The following SMYD3 variants were observed in gnomAD, a reference collection of about 807,000 sequenced individuals.
SMYD3 encodes the protein histone-lysine N-methyltransferase SMYD3.
SMYD3 carries 36 observed loss-of-function variants against 57.7 expected under a neutral mutation model. That is an observed-to-expected ratio of 0.62 (90% CI 0.48 to 0.82). The LOEUF is 0.82. Among genes scored for constraint, SMYD3 ranks in the 40% least tolerant of loss-of-function variants. The pLI, the probability that SMYD3 is intolerant of heterozygous loss-of-function variation, is 0.00. For missense variants in SMYD3, 515 were observed against 538.8 expected (o/e 0.96, Z 0.44); for synonymous variants, 211 against 195.0 (o/e 1.08, Z -0.68).
chr1:246,344,080 GC>G (rs2065672812), intron 2 of SMYD3, among the ~76,000 whole-genome samples: 1 of 152,012 alleles, frequency 6.6e-6, no homozygotes, highest in African/African-American at 2.4e-5. Context: ...ATGGGGTCTT[GC>G]TATATTGTCC....
chr1:246,422,434 TA>T (rs1226088865), intron 1 of SMYD3, among the ~76,000 whole-genome samples: 19 of 151,970 alleles, frequency 1.3e-4, no homozygotes, highest in Non-Finnish European at 1.5e-5. Context: ...TTTTTTAATT[TA>T]TTTTTTTGAG....
intron 5 of SMYD3, among the ~76,000 whole-genome samples, chr1:246,187,593 A>G (rs2062662850): frequency 6.6e-6 from 1 of 152,378 alleles, no homozygotes. Context: ...AGCACATCTT[A>G]AAACTACAAG....
intron 9 of SMYD3, among the ~76,000 whole-genome samples, chr1:245,859,677 T>A (rs1338204776): frequency 6.6e-6 from 1 of 152,206 alleles, no homozygotes; most frequent in Non-Finnish European, 1.5e-5. Context: ...GGTGCAGGAC[T>A]GGGACTGGTC....
chr1:246,005,419 A>C lies in SMYD3; in HGVS notation c.532-75482T>G, dbSNP rs370814212. On this transcript the variant is annotated intron_variant, in intron 5 of 11. Transcript: ENST00000490107. ...ATTTGATTTTCAATCCTGGTTTCTC[A>C]ATTAACTAGCTCTCTGACCTTGGGC... Among the ~76,000 whole-genome samples the C allele has an allele frequency of 4.6e-5, 7 of 152,316 alleles. No individual in the cohort carries two copies. In the South Asian group the frequency reaches 1.4e-3, roughly 32 times the overall value.
chr1:245,844,375 T>G (rs997702171), intron 10 of SMYD3, among the ~76,000 whole-genome samples: 4 of 152,188 alleles, frequency 2.6e-5, no homozygotes, highest in African/African-American at 9.6e-5. Context: ...TTAGCTTTAC[T>G]GCACTGCACT....
At chr1:246,502,412 A>C (rs763383816) in intron 1 of SMYD3, among the ~76,000 whole-genome samples, 1 of 152,148 alleles carries the variant, frequency 6.6e-6, no homozygotes, top group Non-Finnish European at 1.5e-5. Flanking sequence ...GACTACAGGC[A>C]TGAGCCACCA....
At chr1:245,933,193 T>C (rs1212061960) in intron 5 of SMYD3, among the ~76,000 whole-genome samples, 1 of 152,216 alleles carries the variant, frequency 6.6e-6, no homozygotes, top group Non-Finnish European at 1.5e-5. Context: ...CAAAGTACTG[T>C]CTTTGTGAAA....
At chr1:245,755,037 A>G (rs1259515644) in intron 11 of SMYD3, among the ~76,000 whole-genome samples, 1 of 152,174 alleles carries the variant, frequency 6.6e-6, no homozygotes, top group Non-Finnish European at 1.5e-5. Flanking sequence ...ATCACTGTTT[A>G]ATCAATCAAT....
rs2064042420 is a variant in SMYD3 at position 246,263,202 on chromosome 1, T to C, written c.531+63999A>G. Among the ~76,000 whole-genome samples, 5 of 152,208 alleles carry C rather than the reference T, an allele frequency of 3.3e-5. No individual in the cohort carries two copies. The South Asian group carries it at 1.0e-3, about 32-fold the overall frequency. Reference sequence around the variant, plus strand: ...GACATGGATAAGGTTGAATGTTAGCTCTGCCATTTACTAGCTACCTTATTT... The same window carrying C: ...GACATGGATAAGGTTGAATGTTAGCCCTGCCATTTACTAGCTACCTTATTT... On this transcript the variant is annotated intron_variant, in intron 5 of 11. Coordinates refer to ENST00000490107, the MANE Select transcript of SMYD3 (RefSeq NM_001167740.2).
At chr1:246,296,962 C>T (rs2064806588) in intron 5 of SMYD3, among the ~76,000 whole-genome samples, 1 of 151,912 alleles carries the variant, frequency 6.6e-6, no homozygotes, top group African/African-American at 2.4e-5. Flanking sequence ...TCGATGAATA[C>T]AATAAAGGAA....
At chr1:246,086,761 G>A (rs1041210182) in intron 5 of SMYD3, among the ~76,000 whole-genome samples, 1 of 151,600 alleles carries the variant, frequency 6.6e-6, no homozygotes, top group Middle Eastern at 3.4e-3. Flanking sequence ...TACATGTGCG[G>A]GACCTGCAGG....
intron 10 of SMYD3, among the ~76,000 whole-genome samples, chr1:245,808,788 A>G (rs1340157083): frequency 6.6e-6 from 1 of 151,726 alleles, no homozygotes; most frequent in Non-Finnish European, 1.5e-5. Flanking sequence ...TGTGAGACAG[A>G]GTCTCATTTT....
intron 5 of SMYD3, among the ~76,000 whole-genome samples, chr1:246,138,087 G>C (rs2061690649): frequency 6.6e-6 from 1 of 151,932 alleles, no homozygotes; most frequent in Admixed American, 6.6e-5. Flanking sequence ...ATTAAATCCA[G>C]CTGAATAAAA....
chr1:246,107,401 T>C (rs1228222232), intron 5 of SMYD3, among the ~76,000 whole-genome samples: 2 of 152,134 alleles, frequency 1.3e-5, no homozygotes, highest in African/African-American at 2.4e-5. Context: ...TCTTTAAATA[T>C]GCGACCTTAT....
intron 10 of SMYD3, among the ~76,000 whole-genome samples, chr1:245,799,349 T>C (rs1350569520): frequency 7.4e-6 from 1 of 134,776 alleles, no homozygotes; most frequent in Non-Finnish European, 1.6e-5. Flanking sequence ...TTCTGATTCC[T>C]ACACTCAGCC....
chr1:246,027,751 A>G (rs1044764555), intron 5 of SMYD3, among the ~76,000 whole-genome samples: 6 of 152,234 alleles, frequency 3.9e-5, no homozygotes, highest in Non-Finnish European at 7.3e-5. Context: ...CACAAAATCT[A>G]GTCTTCAGCC....
intron 5 of SMYD3, among the ~76,000 whole-genome samples, chr1:246,047,461 T>G (rs1041891536): frequency 6.6e-6 from 1 of 152,194 alleles, no homozygotes; most frequent in South Asian, 2.1e-4. Flanking sequence ...CATCTCCACC[T>G]GTGGAAAAAA....
At chr1:245,962,099 G>A (rs1336173528) in intron 5 of SMYD3, among the ~76,000 whole-genome samples, 1 of 152,110 alleles carries the variant, frequency 6.6e-6, no homozygotes, top group Admixed American at 6.5e-5. Context: ...TGAGCCAGCA[G>A]CTGTATTTCA....
intron 10 of SMYD3, among the ~76,000 whole-genome samples, chr1:245,826,898 C>T (rs182626235): frequency 3.9e-5 from 6 of 152,282 alleles, no homozygotes; most frequent in Non-Finnish European, 7.4e-5. Flanking sequence ...AAACTGCCCC[C>T]ATGATCCAAC....
Sources: allele counts gnomAD v4.1 joint callset (sites outside exome capture counted in the v4.1 genomes callset), GRCh38; gene constraint gnomAD v4.1.1; transcripts MANE v1.5; gene names NCBI Gene and HGNC (gene_info 2026-07-23, HGNC 2026-07-21).